Variants in YEATS2 observed in about 807,000 individuals in gnomAD.
YEATS2 encodes YEATS domain-containing protein 2.
A neutral mutation model predicts 163.2 loss-of-function variants in YEATS2; 77 were observed. The observed-to-expected ratio is 0.47, with a 90% CI of 0.39 to 0.57. YEATS2 has a LOEUF of 0.57. Ranked by LOEUF, YEATS2 falls within the 20% of genes least tolerant of loss-of-function variation. The probability of loss-of-function intolerance (pLI) is 0.00; values close to 1 mark genes in which losing one functional copy is unlikely to be tolerated. For missense variants in YEATS2, 1,549 were observed against 1,729.8 expected (o/e 0.90, Z 1.85); for synonymous variants, 631 against 645.1 (o/e 0.98, Z 0.33).
At chr3:183,767,744 T>C (rs1261819430) in intron 15 of YEATS2, among the ~76,000 whole-genome samples, 1 of 151,836 alleles carries the variant, frequency 6.6e-6, no homozygotes, top group African/African-American at 2.4e-5. Context: ...CTCAAACTCC[T>C]GACCTCTAAT....
At chr3:183,752,368 C>G (rs1182229440) in intron 10 of YEATS2, 115 bp downstream of exon 10, 2 of 1,254,276 alleles carry the variant, frequency 1.6e-6, no homozygotes, top group Admixed American at 4.2e-5. Context: ...GACATGCTGC[C>G]TCTACTACAC....
At chr3:183,719,433 A>T (rs1178074448) in intron 4 of YEATS2, among the ~76,000 whole-genome samples, 2 of 152,196 alleles carry the variant, frequency 1.3e-5, no homozygotes, top group African/African-American at 4.8e-5. Context: ...CACCGGGCCC[A>T]GCCTTTCATT....
Position 183,808,177 on chromosome 3 carries a change from C to T in YEATS2, c.4086+73C>T, listed in dbSNP as rs1577236651. ...GGCGGTTTGGAGTAAGGGGCAAGGA[C>T]AGAAAAGGAACAAAGATAACAGGCT... is the stretch of plus-strand genomic sequence containing the variant. On this transcript the variant is annotated intron_variant, in intron 29 of 30. Coordinates refer to ENST00000305135, the MANE Select transcript of YEATS2 (RefSeq NM_018023.5). The T allele has an allele frequency of 3.3e-6, 4 of 1,220,614 alleles. No individual in the cohort carries two copies. The East Asian group carries it at 1.0e-4, about 32-fold the overall frequency. The allele number at this position is 1,220,614 out of a possible 1,614,324, so 75.6% of individuals were successfully genotyped here.
Position 183,763,394 on chromosome 3 carries a change from T to C in YEATS2, c.1947+1115T>C, listed in dbSNP as rs371868843. 1.2e-4 allele frequency among the ~76,000 whole-genome samples: 19 copies of C among 152,374 alleles called. No homozygotes were observed. The East Asian group carries it at 1.9e-3, about 15-fold the overall frequency. Reference sequence around the variant, plus strand: ...GTAAAAATACAGTGTTATAATCTTATGGGACCACTGTTAATATATGCAGTC... The same window carrying C: ...GTAAAAATACAGTGTTATAATCTTACGGGACCACTGTTAATATATGCAGTC... On this transcript the variant is annotated intron_variant, in intron 15 of 30. Coordinates refer to ENST00000305135, the MANE Select transcript of YEATS2 (RefSeq NM_018023.5).
chr3:183,718,613 G>T (rs549910539), intron 4 of YEATS2, 21 bp downstream of exon 4: 2 of 1,568,562 alleles, frequency 1.3e-6, no homozygotes, highest in Admixed American at 1.8e-5. Flanking sequence ...CTCATACCCA[G>T]TCATTTTCCA....
At chr3:183,744,543 T>C (rs262967) in intron 8 of YEATS2, among the ~76,000 whole-genome samples, 66,642 of 152,116 alleles carry the variant, frequency 0.44, 15,010 homozygotes, top group East Asian at 0.65. Context: ...TTGTACATAT[T>C]ACTTAGAGCT....
intron 28 of YEATS2, 61 bp downstream of exon 28, chr3:183,807,153 G>T (rs997553505): frequency 1.3e-6 from 2 of 1,484,602 alleles, no homozygotes; most frequent in East Asian, 4.8e-5. Context: ...ATGTTCAGAC[G>T]TTCAGCTTCA....
intron 19 of YEATS2, 125 bp from the exon 20 acceptor site, chr3:183,785,992 CATGTAGGT>C (rs1013909004): frequency 1.3e-5 from 13 of 989,656 alleles, no homozygotes; most frequent in Middle Eastern, 4.5e-4. Context: ...GTAAACACCT[CATGTAGGT>C]TGGATTGGTA....
chr3:183,746,133 GCT>G (rs1294803217), intron 8 of YEATS2, among the ~76,000 whole-genome samples: 1 of 152,102 alleles, frequency 6.6e-6, no homozygotes, highest in Non-Finnish European at 1.5e-5. Context: ...GGCGATCATG[GCT>G]CACTGCAACC....
chr3:183,804,857 C>T (rs531939895), intron 27 of YEATS2, among the ~76,000 whole-genome samples: 2 of 151,884 alleles, frequency 1.3e-5, no homozygotes, highest in Non-Finnish European at 2.9e-5. Flanking sequence ...GCGTGGTGGC[C>T]GCACGCCTGT....
chr3:183,793,128 C>T, intron 21 of YEATS2: 3 of 1,288,804 alleles, frequency 2.3e-6, no homozygotes, highest in Non-Finnish European at 3.0e-6. Flanking sequence ...TGATACCAGC[C>T]AGCATACGGC....
chr3:183,745,735 A>G (rs1229926892), intron 8 of YEATS2, among the ~76,000 whole-genome samples: 1 of 152,148 alleles, frequency 6.6e-6, no homozygotes, highest in African/African-American at 2.4e-5. Context: ...CTCCTTACCC[A>G]TTACCCTAGA....
At chr3:183,741,663 TC>T (rs1310337325) in intron 8 of YEATS2, among the ~76,000 whole-genome samples, 1 of 151,992 alleles carries the variant, frequency 6.6e-6, no homozygotes, top group Non-Finnish European at 1.5e-5. Context: ...ACACCTGTAG[TC>T]CCAGCTACTA....
At chr3:183,736,406 G>T (rs897191943) in intron 7 of YEATS2, among the ~76,000 whole-genome samples, 1 of 152,120 alleles carries the variant, frequency 6.6e-6, no homozygotes. Context: ...AAAGATCCTC[G>T]CTCTCTAGTG....
rs768908681 is a variant in YEATS2, at chr3:183,809,108, G to C, written c.4098G>C (p.Gln1366His). ...ATCTTCCATTGTAGGCTACAGAACAGCTGGTGAATGATATCCTGAGACAGG... is the reference window on the plus strand; with the variant it reads ...ATCTTCCATTGTAGGCTACAGAACACCTGGTGAATGATATCCTGAGACAGG... ...VEDMILKATE[Q>H]LVNDILRQAL... Residue 1366 changes from glutamine to histidine, a missense_variant, in exon 30 of 31, where the codon CAG (glutamine) becomes CAC (histidine). By Grantham distance (24) the Gln-to-His change is conservative. Coordinates refer to ENST00000305135, the MANE Select transcript of YEATS2 (RefSeq NM_018023.5). 2 of 1,614,152 alleles carry C rather than the reference G, an allele frequency of 1.2e-6. No individual in the cohort carries two copies. Among genetic ancestry groups the C allele is most frequent in the Non-Finnish European group, 1.7e-6 (2 of 1,180,018 alleles).
In YEATS2 at chr3:183,805,437, C is replaced by G. The variant is rs1161397948; in HGVS notation, c.3784+1249C>G. Among the ~76,000 whole-genome samples the G allele has an allele frequency of 2.0e-5, 3 of 151,986 alleles. No homozygotes were observed. The East Asian group carries it at 5.8e-4, about 30-fold the overall frequency. On this transcript the variant is annotated intron_variant, in intron 27 of 30. Coordinates refer to ENST00000305135, the MANE Select transcript of YEATS2 (RefSeq NM_018023.5). ...AGAAAAGTTGTTCTCTGCCCCCAGCCCCATTTATATAGAAAAACAGAAGCT... is the reference window on the plus strand; with the variant it reads ...AGAAAAGTTGTTCTCTGCCCCCAGCGCCATTTATATAGAAAAACAGAAGCT...
At chr3:183,711,084 A>G (rs1203408315) in intron 1 of YEATS2, among the ~76,000 whole-genome samples, 1 of 152,102 alleles carries the variant, frequency 6.6e-6, no homozygotes, top group Non-Finnish European at 1.5e-5. Context: ...TGTCTTTTTT[A>G]TGTAACAGCC....
At chr3:183,781,016 C>T (rs1189643209) in intron 19 of YEATS2, among the ~76,000 whole-genome samples, 1 of 152,046 alleles carries the variant, frequency 6.6e-6, no homozygotes, top group Non-Finnish European at 1.5e-5. Context: ...CTTCTAAATT[C>T]TTGGGTTAAA....
At chr3:183,810,082 C>G (rs547387608) in intron 30 of YEATS2, 1 of 194,118 alleles carries the variant, frequency 5.2e-6, no homozygotes, top group East Asian at 1.5e-4. Flanking sequence ...CGATTAACAT[C>G]ACGCCTGGCC....
Sources: gnomAD v4.1 joint callset for allele counts (sites outside exome capture counted in the v4.1 genomes callset) on GRCh38, gnomAD v4.1.1 for gene constraint, MANE v1.5 for transcripts, NCBI Gene and HGNC (gene_info 2026-07-23, HGNC 2026-07-21) for gene names.